Variants in IPO9 observed in about 807,000 individuals in gnomAD.
The protein encoded by IPO9 is importin-9.
Under a neutral mutation model 128.6 loss-of-function variants are expected in IPO9, and 28 were observed. The observed-to-expected ratio is 0.22, with a 90% CI of 0.16 to 0.30. The LOEUF (loss-of-function observed/expected upper bound fraction) is 0.30. IPO9 is among the 10% of genes least tolerant of loss of function. IPO9 has a pLI of 1.00. For synonymous variants in IPO9, 455 were observed against 475.8 expected (o/e 0.96, Z 0.57); for missense variants, 935 against 1,293.9 (o/e 0.72, Z 4.26).
intron 13 of IPO9, among the ~76,000 whole-genome samples, chr1:201,860,400 A>G (rs563626985): frequency 6.6e-6 from 1 of 152,316 alleles, no homozygotes; most frequent in African/African-American, 2.4e-5. Context: ...GCATTGTTGA[A>G]TATGTTTTCT....
chr1:201,864,680 C>CT (rs1680517049), intron 14 of IPO9, among the ~76,000 whole-genome samples: 1 of 152,192 alleles, frequency 6.6e-6, no homozygotes, highest in African/African-American at 2.4e-5. Flanking sequence ...AAGCCCATTA[C>CT]TTTCCAGAGT....
chr1:201,865,190 A>G (rs1680526989), intron 14 of IPO9, among the ~76,000 whole-genome samples: 1 of 144,284 alleles, frequency 6.9e-6, no homozygotes, highest in South Asian at 2.2e-4. Context: ...CACTATTGGA[A>G]CTATTTTTCT....
chr1:201,861,859 G>A (rs1389583068), intron 13 of IPO9, among the ~76,000 whole-genome samples: 2 of 152,224 alleles, frequency 1.3e-5, no homozygotes, highest in East Asian at 1.9e-4. Flanking sequence ...AATTACTGTG[G>A]CATAGAGATA....
intron 1 of IPO9, among the ~76,000 whole-genome samples, chr1:201,834,664 T>C (rs1448148412): frequency 6.6e-6 from 1 of 152,262 alleles, no homozygotes; most frequent in African/African-American, 2.4e-5. Flanking sequence ...GGACATTTTC[T>C]TCTTTGCTTA....
At chr1:201,858,812 G>T in intron 12 of IPO9, 43 bp from the exon 13 acceptor site, 1 of 1,554,956 alleles carries the variant, frequency 6.4e-7, no homozygotes, top group Non-Finnish European at 8.8e-7. Flanking sequence ...TATCTCTTTT[G>T]GCAGTTTAGT....
At chr1:201,860,389 T>C (rs1252597103) in intron 13 of IPO9, among the ~76,000 whole-genome samples, 1 of 152,230 alleles carries the variant, frequency 6.6e-6, no homozygotes, top group Admixed American at 6.5e-5. Flanking sequence ...TATCATATGC[T>C]GCATTGTTGA....
intron 1 of IPO9, chr1:201,834,812 T>G (rs1679895196): frequency 6.6e-6 from 1 of 152,240 alleles, no homozygotes; most frequent in Admixed American, 6.5e-5. Context: ...GGGGAAATTA[T>G]CTCTCCCTCA....
intron 21 of IPO9, among the ~76,000 whole-genome samples, chr1:201,874,627 C>G (rs1487643941): frequency 6.6e-6 from 1 of 152,168 alleles, no homozygotes; most frequent in African/African-American, 2.4e-5. Flanking sequence ...TTTGATTCTT[C>G]TTAAGAGCCT....
chr1:201,830,838 G>A (rs1168423526), intron 1 of IPO9, among the ~76,000 whole-genome samples: 1 of 152,140 alleles, frequency 6.6e-6, no homozygotes, highest in African/African-American at 2.4e-5. Context: ...TGCATGTCTG[G>A]CACCTTTGTA....
At chr1:201,855,253 C>G in intron 9 of IPO9, 71 bp downstream of exon 9, 1 of 936,016 alleles carries the variant, frequency 1.1e-6, no homozygotes, top group South Asian at 1.4e-5. Context: ...GAGATGGGGG[C>G]GGGAAACAGT....
At chr1:201,868,626 C>T (rs192825804) in intron 15 of IPO9, 22 bp from the exon 16 acceptor site, 28 of 1,601,884 alleles carry the variant, frequency 1.7e-5, no homozygotes, top group South Asian at 2.2e-5. Flanking sequence ...AGGGGGATTC[C>T]GTGTTGCCTT....
At chr1:201,875,075 T>C in intron 22 of IPO9, 77 bp from the exon 23 acceptor site, 4 of 1,414,482 alleles carry the variant, frequency 2.8e-6, no homozygotes, top group Non-Finnish European at 4.0e-6. Flanking sequence ...GCCTCAGTCA[T>C]GTGGTAGTAT....
In IPO9 at chr1:201,882,634, G is replaced by C. The variant is rs1261543197; in HGVS notation, c.*6580G>C. The C allele has an allele frequency of 6.6e-6, 1 of 152,018 alleles. No individual in the cohort carries two copies. The highest frequency in any genetic ancestry group is 6.6e-5 in the Admixed American group (1 of 15,260). 9.4% of individuals were successfully genotyped at this position (152,018 alleles called of 1,614,324 possible). A position where few individuals can be genotyped will look rare whatever the true frequency, so the allele number is the denominator to read the frequency against. On this transcript the variant is annotated 3_prime_UTR_variant, in exon 24 of 24. Coordinates refer to ENST00000361565, the MANE Select transcript of IPO9 (RefSeq NM_018085.5). Reference sequence around the variant, plus strand: ...GTTTTTAAACCTGTGTAGAATACATGATATGGTAGCAAATGTGCTGTAGGA... The same window carrying C: ...GTTTTTAAACCTGTGTAGAATACATCATATGGTAGCAAATGTGCTGTAGGA...
chr1:201,870,475 C>T lies in IPO9; in HGVS notation c.2134-108C>T, dbSNP rs1045392716. On this transcript the variant is annotated intron_variant, in intron 17 of 23. Coordinates refer to ENST00000361565, the MANE Select transcript of IPO9 (RefSeq NM_018085.5). The surrounding 1 kb of genome is among the most constrained non-coding windows in gnomAD (Gnocchi z 4.9). ...CCCACCACAAACATTATAGACTCAC[C>T]GCTTTTATGAGGCATAGGCCTCTGG... 3.3e-5 allele frequency: 42 copies of T among 1,256,426 alleles called. No individual in the cohort carries two copies. The Admixed American group carries it at 4.1e-4, about 12-fold the overall frequency. 77.8% of individuals were successfully genotyped at this position (1,256,426 alleles called of 1,614,324 possible).
chr1:201,855,644 T>C (rs1037380446), intron 9 of IPO9, 139 bp from the exon 10 acceptor site: 6 of 749,614 alleles, frequency 8.0e-6, no homozygotes, highest in African/African-American at 1.8e-5. Flanking sequence ...GAGCCCTCTC[T>C]CCCAATTCCT....
intron 15 of IPO9, 135 bp from the exon 16 acceptor site, chr1:201,868,513 A>C: frequency 9.4e-5 from 72 of 766,908 alleles, no homozygotes; most frequent in Non-Finnish European, 1.1e-4. Flanking sequence ...TGGCCCCACT[A>C]GGTCCCGGGT....
In IPO9 at chr1:201,879,806, A is replaced by T. The variant is rs964218003; in HGVS notation, c.*3752A>T. ...GTAATCCCAACACTTTGGGAGGCCTAGGTGGGTAAATCAGCTGAGATCAGG... is the reference window on the plus strand; with the variant it reads ...GTAATCCCAACACTTTGGGAGGCCTTGGTGGGTAAATCAGCTGAGATCAGG... On this transcript the variant is annotated 3_prime_UTR_variant, in exon 24 of 24. Coordinates refer to ENST00000361565, the MANE Select transcript of IPO9 (RefSeq NM_018085.5). 1 of 152,200 alleles carries T rather than the reference A, an allele frequency of 6.6e-6. No individual in the cohort carries two copies. The highest frequency in any genetic ancestry group is 1.5e-5 in the Non-Finnish European group (1 of 68,052). 9.4% of individuals were successfully genotyped at this position (152,200 alleles called of 1,614,324 possible).
chr1:201,872,267 A>G (rs141645301), intron 19 of IPO9, among the ~76,000 whole-genome samples: 1 of 152,228 alleles, frequency 6.6e-6, no homozygotes, highest in African/African-American at 2.4e-5. Context: ...CTAACTTTTT[A>G]TCCTGGATTT....
At position 201,882,441 on chromosome 1, in the gene IPO9, A is replaced by AC. The variant is rs1327945378; in HGVS notation, c.*6387_*6388insC. 7.5e-6 allele frequency: 1 copy of AC among 133,606 alleles called. No homozygotes were observed. Among genetic ancestry groups the AC allele is most frequent in the African/African-American group, 3.8e-5 (1 of 26,286 alleles). The allele number at this position is 133,606 out of a possible 1,614,324, so 8.3% of individuals were successfully genotyped here. On this transcript the variant is annotated 3_prime_UTR_variant, in exon 24 of 24. Transcript: ENST00000361565. ...AGCGACACTCTGCCTCAAAAAAAAA[A>AC]AAAAACAAAAAAAAAAACAAGTTTT...
Sources: allele counts gnomAD v4.1 joint callset (sites outside exome capture counted in the v4.1 genomes callset), GRCh38; gene constraint gnomAD v4.1.1; non-coding constraint Gnocchi (gnomAD v3.1); transcripts MANE v1.5; gene names NCBI Gene and HGNC (gene_info 2026-07-23, HGNC 2026-07-21).